The following RORA variants were observed in gnomAD, a reference collection of about 807,000 sequenced individuals.
RORA encodes RAR related orphan receptor A, also known as nuclear receptor ROR-alpha.
A neutral mutation model predicts 69.5 loss-of-function variants in RORA; 7 were observed. The ratio of observed to expected loss-of-function variants is 0.10; its 90% CI spans 0.06 to 0.19. The LOEUF is 0.19. Among genes scored for constraint, RORA ranks in the 10% least tolerant of loss-of-function variants. RORA has a pLI of 1.00. For synonymous variants in RORA, 261 were observed against 240.8 expected (o/e 1.08, Z -0.78); for missense variants, 457 against 663.0 (o/e 0.69, Z 3.41).
At chr15:60,616,142 C>T (rs1451468175) in intron 2 of RORA, among the ~76,000 whole-genome samples, 1 of 152,186 alleles carries the variant, frequency 6.6e-6, no homozygotes, top group Non-Finnish European at 1.5e-5. Context: ...TTAATGTATG[C>T]ATGCACAAAC....
At chr15:61,011,586 T>C (rs576873185) in intron 1 of RORA, among the ~76,000 whole-genome samples, 124 of 152,210 alleles carry the variant, frequency 8.1e-4, no homozygotes, top group African/African-American at 2.9e-3. Flanking sequence ...AATACTCTCA[T>C]GGAAAGCGTA....
intron 1 of RORA, among the ~76,000 whole-genome samples, chr15:60,762,162 C>T (rs2071904024): frequency 6.6e-6 from 1 of 152,098 alleles, no homozygotes; most frequent in Non-Finnish European, 1.5e-5. Flanking sequence ...TCTTTATTTT[C>T]CATGGTGATT....
intron 1 of RORA, among the ~76,000 whole-genome samples, chr15:61,148,642 G>C (rs934403335): frequency 6.6e-6 from 1 of 152,162 alleles, no homozygotes; most frequent in Non-Finnish European, 1.5e-5. Context: ...ATTGCTTAAT[G>C]ACATTAATTG....
rs1041919343 is a variant in RORA, at chr15:60,615,127, G to A, written c.196+63530C>T. ...GCTGCCACTATCCACAGCCACCCAA[G>A]TCCTAATGCTCTCTCGTGTTTCCTC... is the stretch of plus-strand genomic sequence containing the variant. On this transcript the variant is annotated intron_variant, in intron 2 of 10. Transcript: ENST00000335670. 2.1e-6 allele frequency: 3 copies of A among 1,440,622 alleles called. No homozygotes were observed. In the East Asian group the frequency reaches 6.9e-5, roughly 33 times the overall value. The allele number at this position is 1,440,622 out of a possible 1,614,324, so 89.2% of individuals were successfully genotyped here.
intron 2 of RORA, chr15:60,627,104 T>C: frequency 1.3e-6 from 1 of 793,446 alleles, no homozygotes. Flanking sequence ...ACAGTCCTCA[T>C]GGGCTTCATC....
chr15:61,026,880 T>A (rs1252990840), intron 1 of RORA, among the ~76,000 whole-genome samples: 1 of 152,146 alleles, frequency 6.6e-6, no homozygotes, highest in East Asian at 1.9e-4. Flanking sequence ...CCTGACCTCA[T>A]AAAATACGTT....
intron 1 of RORA, chr15:60,682,407 A>G (rs1390946957): frequency 1.3e-5 from 2 of 152,216 alleles, no homozygotes; most frequent in African/African-American, 4.8e-5. Flanking sequence ...GGAAGACAGC[A>G]TGAGACGGAG....
At chr15:61,124,626 CT>C (rs902820873) in intron 1 of RORA, among the ~76,000 whole-genome samples, 14 of 152,202 alleles carry the variant, frequency 9.2e-5, no homozygotes, top group Non-Finnish European at 1.8e-4. Flanking sequence ...ATTTTTTAAT[CT>C]TGTTTTATTT....
At chr15:60,539,556 A>G (rs2066793161) in intron 2 of RORA, among the ~76,000 whole-genome samples, 1 of 152,314 alleles carries the variant, frequency 6.6e-6, no homozygotes, top group Admixed American at 6.5e-5. Context: ...TTGACTCTAT[A>G]CCTTTTTTGG....
At chr15:60,524,928 C>T (rs544198945) in intron 3 of RORA, among the ~76,000 whole-genome samples, 12 of 152,204 alleles carry the variant, frequency 7.9e-5, no homozygotes, top group Admixed American at 5.2e-4. Context: ...CCCAAAGTCA[C>T]AGAGCAGGTA....
At chr15:60,841,216 G>T (rs1359789125) in intron 1 of RORA, 2 of 327,010 alleles carry the variant, frequency 6.1e-6, no homozygotes, top group East Asian at 1.7e-4. Context: ...TTCTCAGGTG[G>T]CTGTGAACCC....
chr15:61,141,138 A>G (rs917419023), intron 1 of RORA, among the ~76,000 whole-genome samples: 1 of 152,220 alleles, frequency 6.6e-6, no homozygotes, highest in Admixed American at 6.5e-5. Flanking sequence ...TCTACATTTC[A>G]AAACACTGTA....
chr15:61,215,547 C>T (rs760555721), intron 1 of RORA, among the ~76,000 whole-genome samples: 1 of 152,120 alleles, frequency 6.6e-6, no homozygotes, highest in African/African-American at 2.4e-5. Context: ...ATATGTGTCC[C>T]CATTCATAAT....
chr15:60,978,131 TTCATCA>T (rs36048535), intron 1 of RORA, among the ~76,000 whole-genome samples: 50 of 151,168 alleles, frequency 3.3e-4, no homozygotes, highest in South Asian at 2.7e-3. Flanking sequence ...TCTTATTTTC[TTCATCA>T]TCATCATCAT....
intron 1 of RORA, among the ~76,000 whole-genome samples, chr15:61,059,988 G>GGAAGAGGAAGAA (rs2078155885): frequency 6.5e-4 from 56 of 85,926 alleles, no homozygotes; most frequent in East Asian, 2.2e-3. Context: ...AAGAGGAAGA[G>GGAAGAGGAAGAA]GAAGAAGAAG....
intron 1 of RORA, among the ~76,000 whole-genome samples, chr15:61,080,243 A>G (rs1445166949): frequency 2.0e-5 from 3 of 152,132 alleles, no homozygotes; most frequent in Non-Finnish European, 4.4e-5. Context: ...TTCATCCTTT[A>G]GTCTAATCTA....
chr15:60,924,936 G>T (rs970789612), intron 1 of RORA, among the ~76,000 whole-genome samples: 26 of 151,860 alleles, frequency 1.7e-4, no homozygotes, highest in Non-Finnish European at 2.4e-4. Context: ...AAAATTAGCT[G>T]TGCGTGGTGG....
chr15:60,859,155 C>T lies in RORA; in HGVS notation c.167-180469G>A, dbSNP rs144380062. 8.9e-3 allele frequency among the ~76,000 whole-genome samples: 1,355 copies of T among 152,148 alleles called. 17 individuals are homozygous for T. The highest frequency in any genetic ancestry group is 0.078 in the Middle Eastern group (23 of 294). On this transcript the variant is annotated intron_variant, in intron 1 of 10. Coordinates refer to ENST00000335670, the MANE Select transcript of RORA (RefSeq NM_134261.3). ...TTGCTCACCTGCTCACCTCTAAGAC[C>T]CAGTTCAGGGCTCCCACAGGATCCA...
chr15:60,662,164 A>G (rs1024725403), intron 2 of RORA, among the ~76,000 whole-genome samples: 1 of 152,220 alleles, frequency 6.6e-6, no homozygotes, highest in Non-Finnish European at 1.5e-5. Flanking sequence ...TCATATGACA[A>G]CAGTTGGGGG....
Sources: gnomAD v4.1 joint callset for allele counts (sites outside exome capture counted in the v4.1 genomes callset) on GRCh38, gnomAD v4.1.1 for gene constraint, MANE v1.5 for transcripts, NCBI Gene and HGNC (gene_info 2026-07-23, HGNC 2026-07-21) for gene names.